RAD51B: variants seen among roughly 807,000 people sequenced by gnomAD.
RAD51B encodes DNA repair protein RAD51 homolog 2.
In RAD51B, 38 loss-of-function variants were observed where a neutral mutation model predicts 42.2. The observed-to-expected ratio is 0.90, with a 90% CI of 0.70 to 1.18. The LOEUF (loss-of-function observed/expected upper bound fraction) is 1.18, where lower values mean the gene tolerates loss of function less well. Among genes scored for constraint, RAD51B ranks in the 50% most tolerant of loss-of-function variants. The pLI, the probability that RAD51B is intolerant of heterozygous loss-of-function variation, is 0.00. For synonymous variants in RAD51B, 154 were observed against 145.2 expected (o/e 1.06, Z -0.43); for missense variants, 373 against 400.7 (o/e 0.93, Z 0.59).
chr14:67,905,257 C>G (rs1278050146), intron 7 of RAD51B, among the ~76,000 whole-genome samples: 1 of 152,046 alleles, frequency 6.6e-6, no homozygotes, highest in African/African-American at 2.4e-5. Flanking sequence ...TCTGGGTTTT[C>G]TAACCTGTTC....
intron 7 of RAD51B, among the ~76,000 whole-genome samples, chr14:67,989,486 A>C (rs1252728839): frequency 6.6e-6 from 1 of 152,028 alleles, no homozygotes; most frequent in East Asian, 1.9e-4. Context: ...AAATACAAAA[A>C]AATTAGCTGG....
downstream of RAD51B, among the ~76,000 whole-genome samples, chr14:68,597,445 T>C (rs1475607003): frequency 6.6e-6 from 1 of 152,180 alleles, no homozygotes; most frequent in African/African-American, 2.4e-5. Context: ...TCATACACTA[T>C]GGAATACTAT....
intron 7 of RAD51B, among the ~76,000 whole-genome samples, chr14:68,282,368 G>A (rs778546763): frequency 2.0e-5 from 3 of 152,192 alleles, no homozygotes; most frequent in Non-Finnish European, 4.4e-5. Context: ...CACTCCAAGG[G>A]CATCACCGTG....
chr14:68,046,325 C>T (rs1595312797), intron 7 of RAD51B, among the ~76,000 whole-genome samples: 1 of 152,136 alleles, frequency 6.6e-6, no homozygotes, highest in African/African-American at 2.4e-5. Context: ...CTTTGTTGCC[C>T]AAGCTGATCT....
intron 4 of RAD51B, among the ~76,000 whole-genome samples, chr14:67,844,627 T>C: frequency 6.7e-6 from 1 of 148,622 alleles, no homozygotes; most frequent in East Asian, 1.9e-4. Flanking sequence ...TATATATATT[T>C]TTTTTATTAT....
intron 9 of RAD51B, chr14:68,422,254 A>G: frequency 1.2e-6 from 1 of 801,986 alleles, no homozygotes; most frequent in South Asian, 1.3e-5. Flanking sequence ...CAAATTCTTA[A>G]TAGCTTATAA....
intron 8 of RAD51B, among the ~76,000 whole-genome samples, chr14:68,311,757 T>A (rs1191772151): frequency 6.6e-6 from 1 of 152,084 alleles, no homozygotes; most frequent in East Asian, 1.9e-4. Context: ...CATGGTGGCA[T>A]GTGCCTGTAA....
chr14:68,298,838 T>A (rs941335719), intron 8 of RAD51B, among the ~76,000 whole-genome samples: 2 of 152,118 alleles, frequency 1.3e-5, no homozygotes, highest in East Asian at 3.9e-4. Flanking sequence ...TCAGAGATCA[T>A]AAAGAAGAAA....
At position 67,899,804 on chromosome 14, in the gene RAD51B, G is replaced by A. The variant is rs886341494; in HGVS notation, c.756+12600G>A. On this transcript the variant is annotated intron_variant, in intron 7 of 10. Transcript: ENST00000471583. ...ATATTCTAAATAAGTTTGTGAGGTA[G>A]GTTATACTATTCCCTTTTTATAGTT... Among the ~76,000 whole-genome samples, 121 of 152,262 alleles carry A rather than the reference G, an allele frequency of 7.9e-4. 1 individual carries two copies. The highest frequency in any genetic ancestry group is 2.9e-3 in the African/African-American group (120 of 41,534).
At chr14:68,464,397 A>G (rs748295056) in intron 9 of RAD51B, among the ~76,000 whole-genome samples, 2 of 152,240 alleles carry the variant, frequency 1.3e-5, no homozygotes, top group African/African-American at 2.4e-5. Context: ...CTCATTGAAC[A>G]TAACATATTT....
intron 11 of RAD51B, among the ~76,000 whole-genome samples, chr14:68,652,074 A>G (rs554100667): frequency 1.3e-5 from 2 of 152,292 alleles, no homozygotes; most frequent in East Asian, 1.9e-4. Flanking sequence ...CTAGAGACCA[A>G]GGGTTGAGGC....
In RAD51B at chr14:68,093,195, C is replaced by A. The variant is rs980143195; in HGVS notation, c.757-198689C>A. Among the ~76,000 whole-genome samples, 32 of 151,762 alleles carry A rather than the reference C, an allele frequency of 2.1e-4. 1 individual carries two copies. The highest frequency in any genetic ancestry group is 2.0e-3 in the Admixed American group (30 of 15,228). On this transcript the variant is annotated intron_variant, in intron 7 of 10. Transcript: ENST00000471583. ...TTGTGTCTCTGCTAGGCTTTGGTAT[C>A]AGGATGATGCTGGCCTCATAAAATG...
At chr14:67,868,873 GT>G (rs2042423155) in intron 5 of RAD51B, among the ~76,000 whole-genome samples, 1 of 152,280 alleles carries the variant, frequency 6.6e-6, no homozygotes, top group South Asian at 2.1e-4. Context: ...GCAGCTGAGG[GT>G]CCTGTCTGTT....
chr14:68,319,810 A>C (rs1045799353), intron 8 of RAD51B, among the ~76,000 whole-genome samples: 19 of 152,222 alleles, frequency 1.2e-4, no homozygotes, highest in African/African-American at 4.3e-4. Context: ...CTCACTAGAC[A>C]TGGTTCTGAG....
chr14:68,473,060 T>C (rs1283928261), intron 10 of RAD51B, among the ~76,000 whole-genome samples: 1 of 152,222 alleles, frequency 6.6e-6, no homozygotes, highest in Non-Finnish European at 1.5e-5. Context: ...ATACCACCAC[T>C]TGAGTTCATC....
chr14:68,175,503 G>A (rs1033074255), intron 7 of RAD51B, among the ~76,000 whole-genome samples: 54 of 152,140 alleles, frequency 3.5e-4, no homozygotes, highest in Admixed American at 7.2e-4. Context: ...AAATAGCTAC[G>A]AAATACCTAT....
At chr14:68,596,862 A>G, downstream of RAD51B, among the ~76,000 whole-genome samples, 1 of 152,188 alleles carries the variant, frequency 6.6e-6, no homozygotes, top group East Asian at 1.9e-4. Flanking sequence ...TTGGCAACAC[A>G]CCCAGAAGGT....
At chr14:68,275,380 G>C (rs940173904) in intron 7 of RAD51B, among the ~76,000 whole-genome samples, 2 of 152,012 alleles carry the variant, frequency 1.3e-5, no homozygotes, top group Non-Finnish European at 2.9e-5. Context: ...AAAACATAAT[G>C]GAAAAGTGGA....
At chr14:68,305,325 T>C (rs2081837552) in intron 8 of RAD51B, among the ~76,000 whole-genome samples, 1 of 152,242 alleles carries the variant, frequency 6.6e-6, no homozygotes, top group Non-Finnish European at 1.5e-5. Context: ...CAGGAGGCCA[T>C]AAGAACGGTA....
Sources: allele counts gnomAD v4.1 joint callset (sites outside exome capture counted in the v4.1 genomes callset), GRCh38; gene constraint gnomAD v4.1.1; transcripts MANE v1.5; gene names NCBI Gene and HGNC (gene_info 2026-07-23, HGNC 2026-07-21).